Variants in OSBPL6 observed in about 807,000 individuals in gnomAD.
The protein encoded by OSBPL6 is oxysterol binding protein like 6, also known as oxysterol-binding protein-related protein 6.
A neutral mutation model predicts 125.8 loss-of-function variants in OSBPL6; 49 were observed. That is an observed-to-expected ratio of 0.39 (90% CI 0.31 to 0.49). The LOEUF (loss-of-function observed/expected upper bound fraction) is 0.49, where lower values mean the gene tolerates loss of function less well. Ranked by LOEUF, OSBPL6 falls within the 20% of genes least tolerant of loss-of-function variation. The pLI, the probability that OSBPL6 is intolerant of heterozygous loss-of-function variation, is 0.88. For synonymous variants in OSBPL6, 394 were observed against 391.8 expected (o/e 1.01, Z -0.07); for missense variants, 986 against 1,135.4 (o/e 0.87, Z 1.89).
intron 24 of OSBPL6, among the ~76,000 whole-genome samples, chr2:178,394,714 A>T (rs1695698600): frequency 6.6e-6 from 1 of 152,226 alleles, no homozygotes; most frequent in South Asian, 2.1e-4. Flanking sequence ...AATGGTGGAA[A>T]CTGGTTCCCA....
intron 1 of OSBPL6, among the ~76,000 whole-genome samples, chr2:178,200,856 C>T (rs138507010): frequency 1.4e-3 from 215 of 151,844 alleles, no homozygotes; most frequent in African/African-American, 4.5e-3. Flanking sequence ...AGTGCAGTGG[C>T]GCGATCTCGG....
chr2:178,198,617 CATAA>C (rs35367535), intron 1 of OSBPL6, among the ~76,000 whole-genome samples: 1,619 of 137,396 alleles, frequency 0.012, 27 homozygotes, highest in East Asian at 0.075. Context: ...GACTCCATCT[CATAA>C]ATAAATAAAT....
intron 2 of OSBPL6, among the ~76,000 whole-genome samples, chr2:178,302,883 T>A (rs1281878913): frequency 5.3e-5 from 8 of 152,216 alleles, no homozygotes; most frequent in Admixed American, 5.2e-4. Context: ...TCCAAATGGA[T>A]TTCAGTTTAA....
At chr2:178,312,316 C>T (rs1387906156) in intron 3 of OSBPL6, among the ~76,000 whole-genome samples, 5 of 151,304 alleles carry the variant, frequency 3.3e-5, no homozygotes, top group African/African-American at 7.3e-5. Context: ...TGCACCACCA[C>T]GCCTGGCTAA....
chr2:178,238,781 C>T (rs2153987122), intron 1 of OSBPL6, among the ~76,000 whole-genome samples: 1 of 152,194 alleles, frequency 6.6e-6, no homozygotes, highest in Non-Finnish European at 1.5e-5. Flanking sequence ...TTTCAGGTAC[C>T]CACTGGGGAT....
intron 1 of OSBPL6, among the ~76,000 whole-genome samples, chr2:178,270,496 C>T (rs1032382538): frequency 2.0e-4 from 31 of 152,168 alleles, no homozygotes; most frequent in African/African-American, 4.6e-4. Context: ...CCTTTCCCAG[C>T]GTCACGCAGT....
chr2:178,292,413 A>G (rs1249055645), intron 2 of OSBPL6, among the ~76,000 whole-genome samples: 2 of 152,176 alleles, frequency 1.3e-5, no homozygotes, highest in African/African-American at 2.4e-5. Context: ...TTGGCTTTCC[A>G]AGCAACAATT....
chr2:178,278,770 G>C (rs1265797420), intron 1 of OSBPL6, among the ~76,000 whole-genome samples: 1 of 152,130 alleles, frequency 6.6e-6, no homozygotes, highest in Non-Finnish European at 1.5e-5. Context: ...GGTAGGAAAA[G>C]AAAAATCAAT....
At position 178,306,225 on chromosome 2, in the gene OSBPL6, C is replaced by T; in HGVS notation, c.41C>T (p.Thr14Ile). Residue 14 changes from threonine to isoleucine, a missense_variant, in exon 3 of 25, where the codon ACA (threonine) becomes ATA (isoleucine). By Grantham distance (89) the Thr-to-Ile change is moderately conservative (BLOSUM62 -1). Coordinates refer to ENST00000190611, the MANE Select transcript of OSBPL6 (RefSeq NM_032523.4). ...DEKGISPAHK[T>I]STPTHRSASS... ...AAGGGCATTTCCCCTGCTCATAAAA[C>T]ATCCACTCCAACCCATAGAAGTGCC... 1 of 1,613,904 alleles carries T rather than the reference C, an allele frequency of 6.2e-7. No individual in the cohort carries two copies. The highest frequency in any genetic ancestry group is 8.5e-7 in the Non-Finnish European group (1 of 1,179,820).
At position 178,336,363 on chromosome 2, in the gene OSBPL6, G is replaced by A. The variant is rs549175117; in HGVS notation, c.720G>A (p.Thr240=). The change falls in exon 9 of 25, where the codon ACG becomes ACA. Residue 240 remains threonine, a synonymous_variant. Transcript: ENST00000190611. ...CATGCAGCAATAGCCTCCCTGCAAC[G>A]TGCACAACTGGCCAGAGTAAAGTGG... ...PLPCSNSLPA[T]CTTGQSKVAA... The A allele has an allele frequency of 1.5e-5, 24 of 1,613,936 alleles. No homozygotes were observed. The highest frequency in any genetic ancestry group is 2.7e-5 in the African/African-American group (2 of 74,888).
At chr2:178,305,571 G>T (rs756678799) in intron 2 of OSBPL6, among the ~76,000 whole-genome samples, 10 of 152,214 alleles carry the variant, frequency 6.6e-5, no homozygotes, top group Non-Finnish European at 1.3e-4. Context: ...ATCACAGGAT[G>T]CACACAATGT....
chr2:178,258,255 C>A (rs1370359342), intron 1 of OSBPL6, among the ~76,000 whole-genome samples: 4 of 152,110 alleles, frequency 2.6e-5, no homozygotes, highest in African/African-American at 4.8e-5. Context: ...CGTGTGCCAC[C>A]ATGCCTGGCT....
chr2:178,214,272 A>G (rs1486088182), intron 1 of OSBPL6, among the ~76,000 whole-genome samples: 1 of 152,182 alleles, frequency 6.6e-6, no homozygotes, highest in African/African-American at 2.4e-5. Context: ...ACTCCAAAAT[A>G]AGGCAATCCT....
intron 4 of OSBPL6, among the ~76,000 whole-genome samples, chr2:178,327,548 C>T (rs779740423): frequency 3.3e-5 from 5 of 152,170 alleles, no homozygotes; most frequent in Non-Finnish European, 5.9e-5. Flanking sequence ...TCAAAAGCCA[C>T]AGGCATTAGA....
chr2:178,311,978 C>G, intron 3 of OSBPL6, among the ~76,000 whole-genome samples: 1 of 152,164 alleles, frequency 6.6e-6, no homozygotes, highest in Admixed American at 6.5e-5. Context: ...GAAATGGCGT[C>G]AAATTAAATT....
intron 1 of OSBPL6, among the ~76,000 whole-genome samples, chr2:178,199,446 C>G (rs996671819): frequency 6.6e-6 from 1 of 152,048 alleles, no homozygotes; most frequent in Non-Finnish European, 1.5e-5. Flanking sequence ...TCTAGAAGGC[C>G]GACTGATTTT....
intron 1 of OSBPL6, among the ~76,000 whole-genome samples, chr2:178,269,935 A>C (rs2092334650): frequency 1.3e-5 from 2 of 152,190 alleles, no homozygotes; most frequent in Admixed American, 6.5e-5. Flanking sequence ...ATCCCAACTT[A>C]ATTGAGAGTC....
intron 2 of OSBPL6, among the ~76,000 whole-genome samples, chr2:178,287,736 C>T (rs890008860): frequency 6.6e-6 from 1 of 151,510 alleles, no homozygotes; most frequent in African/African-American, 2.4e-5. Context: ...AAGAAATTTG[C>T]TTTTATTTCT....
intron 16 of OSBPL6, 45 bp downstream of exon 16, chr2:178,382,552 A>G (rs1264671677): frequency 6.2e-7 from 1 of 1,612,552 alleles, no homozygotes; most frequent in Admixed American, 1.7e-5. Flanking sequence ...TACATGCCAA[A>G]TTGCAACACG....
Sources: gnomAD v4.1 joint callset for allele counts (sites outside exome capture counted in the v4.1 genomes callset) on GRCh38, gnomAD v4.1.1 for gene constraint, MANE v1.5 for transcripts, NCBI Gene and HGNC (gene_info 2026-07-23, HGNC 2026-07-21) for gene names.